METTL15: variants seen among roughly 807,000 people sequenced by gnomAD.
METTL15 encodes the protein methyltransferase 15, mitochondrial 12S rRNA N4-cytidine.
Under a neutral mutation model 38.3 loss-of-function variants are expected in METTL15, and 34 were observed. That is an observed-to-expected ratio of 0.89 (90% CI 0.68 to 1.18). The LOEUF is 1.18. Among genes scored for constraint, METTL15 ranks in the 50% most tolerant of loss-of-function variants. METTL15 has a pLI of 0.00. For missense variants in METTL15, 438 were observed against 498.4 expected (o/e 0.88, Z 1.15); for synonymous variants, 162 against 170.9 (o/e 0.95, Z 0.41).
At chr11:28,110,597 G>T (rs1192313265) in intron 2 of METTL15, among the ~76,000 whole-genome samples, 196 bp downstream of exon 2, 1 of 152,158 alleles carries the variant, frequency 6.6e-6, no homozygotes, top group Non-Finnish European at 1.5e-5. Context: ...GTAATTCTTA[G>T]GCAAAAGGGT....
intron 6 of METTL15, among the ~76,000 whole-genome samples, chr11:28,427,283 C>A (rs986269582): frequency 4.6e-5 from 7 of 151,764 alleles, no homozygotes; most frequent in African/African-American, 1.7e-4. Context: ...ATTCTGTTCC[C>A]TTGGTCTATG....
chr11:28,386,553 A>G (rs1850443121), intron 5 of METTL15, among the ~76,000 whole-genome samples: 2 of 152,038 alleles, frequency 1.3e-5, no homozygotes, highest in Admixed American at 1.3e-4. Context: ...CATGTCTGTC[A>G]TTGGAGCACC....
chr11:28,435,387 T>A (rs1263743375), intron 6 of METTL15, among the ~76,000 whole-genome samples: 1 of 152,242 alleles, frequency 6.6e-6, no homozygotes, highest in Non-Finnish European at 1.5e-5. Context: ...CAGTCACTGG[T>A]CCATGGAAAC....
intron 3 of METTL15, among the ~76,000 whole-genome samples, chr11:28,156,986 A>G (rs1850286270): frequency 1.3e-5 from 2 of 152,340 alleles, no homozygotes; most frequent in South Asian, 4.1e-4. Flanking sequence ...AATGGTATTT[A>G]ACCCTTATTC....
chr11:28,223,119 G>C (rs565953447), intron 4 of METTL15, among the ~76,000 whole-genome samples: 6 of 152,156 alleles, frequency 3.9e-5, no homozygotes, highest in African/African-American at 1.4e-4. Context: ...CTAAGTAAAA[G>C]AATATCTAAG....
At chr11:28,490,217 A>C (rs1851483309) in intron 6 of METTL15, among the ~76,000 whole-genome samples, 1 of 152,160 alleles carries the variant, frequency 6.6e-6, no homozygotes, top group Admixed American at 6.5e-5. Context: ...CTTCTCTTGC[A>C]TTCTCACCTG....
At chr11:28,265,355 G>A (rs1040361318) in intron 4 of METTL15, among the ~76,000 whole-genome samples, 1 of 151,750 alleles carries the variant, frequency 6.6e-6, no homozygotes, top group Non-Finnish European at 1.5e-5. Context: ...ATGCCTTGCT[G>A]AAAGTAGATG....
At chr11:28,390,453 C>T (rs1387679401) in intron 5 of METTL15, among the ~76,000 whole-genome samples, 1 of 152,040 alleles carries the variant, frequency 6.6e-6, no homozygotes. Context: ...ATATGGCTAG[C>T]CAGTTTTCGC....
chr11:28,255,265 GTT>G (rs1392014628), intron 4 of METTL15, among the ~76,000 whole-genome samples: 1 of 151,988 alleles, frequency 6.6e-6, no homozygotes, highest in Non-Finnish European at 1.5e-5. Flanking sequence ...TTTTCAGATA[GTT>G]TTCTATTGAC....
chr11:28,390,213 G>C (rs1366413671), intron 5 of METTL15, among the ~76,000 whole-genome samples: 598 of 151,808 alleles, frequency 3.9e-3, no homozygotes, highest in Middle Eastern at 0.01. Flanking sequence ...CTTTTGCTGT[G>C]CAGAAGCTCT....
chr11:28,524,787 A>T (rs1851795424), intron 6 of METTL15, among the ~76,000 whole-genome samples: 1 of 152,206 alleles, frequency 6.6e-6, no homozygotes, highest in South Asian at 2.1e-4. Context: ...GGAGAAGAAC[A>T]TACAGGGCTT....
chr11:28,466,016 C>T (rs1282883779), intron 6 of METTL15, among the ~76,000 whole-genome samples: 1 of 152,186 alleles, frequency 6.6e-6, no homozygotes, highest in East Asian at 1.9e-4. Flanking sequence ...GTATTAATTA[C>T]AATTTTTTAT....
chr11:28,249,700 A>T (rs1854656167), intron 4 of METTL15, among the ~76,000 whole-genome samples: 1 of 151,914 alleles, frequency 6.6e-6, no homozygotes, highest in Non-Finnish European at 1.5e-5. Flanking sequence ...GTGATCTTGT[A>T]CTAATTTGCT....
intron 6 of METTL15, among the ~76,000 whole-genome samples, chr11:28,430,112 T>G (rs1850903804): frequency 6.7e-6 from 1 of 149,908 alleles, no homozygotes; most frequent in South Asian, 2.1e-4. Context: ...GAGGAGACCC[T>G]CTGCCTGGCA....
chr11:28,271,044 G>A (rs1855619546), intron 4 of METTL15, among the ~76,000 whole-genome samples: 1 of 152,048 alleles, frequency 6.6e-6, no homozygotes. Context: ...ATAAATGTTA[G>A]CTATTATATC....
At chr11:28,522,037 G>A (rs1173177966) in intron 6 of METTL15, among the ~76,000 whole-genome samples, 4 of 152,154 alleles carry the variant, frequency 2.6e-5, no homozygotes, top group Non-Finnish European at 5.9e-5. Context: ...GTAGTAATGA[G>A]GTAGTGAAAT....
At chr11:28,289,658 G>A (rs1447672031) in intron 4 of METTL15, among the ~76,000 whole-genome samples, 1 of 152,086 alleles carries the variant, frequency 6.6e-6, no homozygotes, top group Admixed American at 6.6e-5. Context: ...ATAATACATT[G>A]CTTCAGCAAG....
intron 3 of METTL15, among the ~76,000 whole-genome samples, chr11:28,174,506 A>G (rs2133769031): frequency 6.6e-6 from 1 of 152,276 alleles, no homozygotes; most frequent in East Asian, 1.9e-4. Flanking sequence ...TTAATTCCAG[A>G]CATATTTTTT....
At chr11:28,171,085 C>T (rs541677053) in intron 3 of METTL15, among the ~76,000 whole-genome samples, 2 of 152,174 alleles carry the variant, frequency 1.3e-5, no homozygotes, top group Admixed American at 6.6e-5. Flanking sequence ...TATTAGGTTT[C>T]CACTTATGTT....
Sources: gnomAD v4.1 joint callset for allele counts (sites outside exome capture counted in the v4.1 genomes callset) on GRCh38, gnomAD v4.1.1 for gene constraint, MANE v1.5 for transcripts, NCBI Gene and HGNC (gene_info 2026-07-23, HGNC 2026-07-21) for gene names.